TULP4: variants seen among roughly 807,000 people sequenced by gnomAD.
The protein encoded by TULP4 is TUB like protein 4.
A neutral mutation model predicts 129.0 loss-of-function variants in TULP4; 16 were observed. That is an observed-to-expected ratio of 0.12 (90% CI 0.08 to 0.19). The LOEUF (loss-of-function observed/expected upper bound fraction) is 0.19. TULP4 is among the 10% of genes least tolerant of loss of function. TULP4 has a pLI of 1.00. For synonymous variants in TULP4, 998 were observed against 854.0 expected (o/e 1.17, Z -2.94); for missense variants, 1,842 against 2,059.1 (o/e 0.89, Z 2.04).
At chr6:158,258,205 A>G (rs1778282540) in intron 1 of TULP4, among the ~76,000 whole-genome samples, 1 of 152,232 alleles carries the variant, frequency 6.6e-6, no homozygotes, top group African/African-American at 2.4e-5. Context: ...AATCCAGGTC[A>G]GGAGCCAGGG....
intron 1 of TULP4, chr6:158,238,022 G>T: frequency 1.4e-6 from 1 of 707,990 alleles, no homozygotes; most frequent in Non-Finnish European, 2.6e-6. Context: ...TTGAGCTGAT[G>T]GTTTTGATAC....
intron 2 of TULP4, among the ~76,000 whole-genome samples, chr6:158,420,433 A>G (rs545829335): frequency 2.6e-5 from 4 of 152,354 alleles, no homozygotes; most frequent in African/African-American, 9.6e-5. Context: ...ACACAGTGCA[A>G]CTGGGTTAGA....
chr6:158,286,891 A>G (rs1291003179), intron 1 of TULP4, among the ~76,000 whole-genome samples: 1 of 152,160 alleles, frequency 6.6e-6, no homozygotes, highest in African/African-American at 2.4e-5. Flanking sequence ...AGGACTTGTA[A>G]TTTCCCACTT....
At chr6:158,315,077 CATGACT>C (rs1779457978) in intron 1 of TULP4, among the ~76,000 whole-genome samples, 1 of 152,110 alleles carries the variant, frequency 6.6e-6, no homozygotes, top group Non-Finnish European at 1.5e-5. Context: ...ATGAGGAATC[CATGACT>C]ATTTCAGGCA....
chr6:158,385,580 A>G (rs953109605), intron 1 of TULP4, among the ~76,000 whole-genome samples: 1 of 151,746 alleles, frequency 6.6e-6, no homozygotes, highest in Non-Finnish European at 1.5e-5. Flanking sequence ...TTCAACCAGT[A>G]TTATATGCAG....
intron 1 of TULP4, chr6:158,238,093 T>A: frequency 1.4e-6 from 1 of 718,910 alleles, no homozygotes; most frequent in Non-Finnish European, 2.6e-6. Flanking sequence ...TGGCTACACA[T>A]GGTCACTAAT....
intron 1 of TULP4, among the ~76,000 whole-genome samples, chr6:158,321,681 A>G (rs1377913410): frequency 6.6e-6 from 1 of 151,978 alleles, no homozygotes; most frequent in Non-Finnish European, 1.5e-5. Context: ...AAGACCTCCC[A>G]CTGTATCTGA....
chr6:158,457,568 A>G (rs1779320823), intron 5 of TULP4, among the ~76,000 whole-genome samples: 4 of 151,824 alleles, frequency 2.6e-5, no homozygotes, highest in Non-Finnish European at 5.9e-5. Context: ...TATGACTTCT[A>G]CTCTTTTCCT....
At chr6:158,237,933 G>A (rs1342585149) in intron 1 of TULP4, 3 of 727,514 alleles carry the variant, frequency 4.1e-6, no homozygotes, top group South Asian at 1.4e-5. Flanking sequence ...GCTGTTCTAG[G>A]TCACTAATTG....
chr6:158,388,317 TTTTTC>T (rs1316044330), intron 1 of TULP4, among the ~76,000 whole-genome samples: 2 of 97,238 alleles, frequency 2.1e-5, no homozygotes, highest in Non-Finnish European at 4.7e-5. Flanking sequence ...AATCTGCTCG[TTTTTC>T]TTTTTTTTTT....
intron 1 of TULP4, among the ~76,000 whole-genome samples, chr6:158,266,799 T>A (rs1778455813): frequency 6.6e-6 from 1 of 152,228 alleles, no homozygotes; most frequent in Non-Finnish European, 1.5e-5. Context: ...AGGATTTTTT[T>A]ATCTACATGG....
intron 1 of TULP4, among the ~76,000 whole-genome samples, chr6:158,397,402 C>T (rs1013612312): frequency 3.3e-5 from 5 of 152,176 alleles, no homozygotes; most frequent in African/African-American, 1.2e-4. Context: ...CCTGAGTGTC[C>T]ATTCTCCCTC....
At chr6:158,370,093 T>C (rs1042224511) in intron 1 of TULP4, among the ~76,000 whole-genome samples, 11 of 151,976 alleles carry the variant, frequency 7.2e-5, no homozygotes, top group African/African-American at 2.7e-4. Context: ...ATGCCAGTGG[T>C]CCTGGCTACT....
intron 1 of TULP4, among the ~76,000 whole-genome samples, chr6:158,295,964 C>T (rs1237408477): frequency 6.6e-6 from 1 of 152,160 alleles, no homozygotes; most frequent in Non-Finnish European, 1.5e-5. Flanking sequence ...ACAATAGCCA[C>T]CCCCCAAATA....
intron 1 of TULP4, among the ~76,000 whole-genome samples, chr6:158,319,615 GATA>G (rs1718212722): frequency 6.6e-6 from 1 of 152,146 alleles, no homozygotes; most frequent in African/African-American, 2.4e-5. Flanking sequence ...CTGAATGAAA[GATA>G]ATTTATTTCA....
Position 158,313,723 on chromosome 6 carries a change from ATCAGCACGTTCTTCCTCTG to A in TULP4, c.-293_-275del. The A allele has an allele frequency of 4.0e-6, 2 of 494,824 alleles. No individual in the cohort carries two copies. The highest frequency in any genetic ancestry group is 7.0e-6 in the Non-Finnish European group (2 of 284,080). The allele number at this position is 494,824 out of a possible 1,614,324, so 30.7% of individuals were successfully genotyped here. A position where few individuals can be genotyped will look rare whatever the true frequency, so the allele number is the denominator to read the frequency against. On this transcript the variant is annotated 5_prime_UTR_variant, in exon 1 of 14. An upstream open reading frame in the 5' UTR loses its in-frame stop. Coordinates refer to ENST00000367097, the MANE Select transcript of TULP4 (RefSeq NM_020245.5). ...ATTAACGATGCTCTTTCTCCAAAGG[ATCAGCACGTTCTTCCTCTG>A]AGAACTTGAAAATACAAATGGACCC... is the stretch of plus-strand genomic sequence containing the variant.
At chr6:158,300,743 A>C (rs1430862863) in intron 1 of TULP4, among the ~76,000 whole-genome samples, 3 of 152,240 alleles carry the variant, frequency 2.0e-5, no homozygotes, top group African/African-American at 7.2e-5. Flanking sequence ...CTGCCAAAGG[A>C]GCTAACATGA....
At chr6:158,394,869 A>G (rs1319507988) in intron 1 of TULP4, among the ~76,000 whole-genome samples, 2 of 150,974 alleles carry the variant, frequency 1.3e-5, no homozygotes, top group Non-Finnish European at 2.9e-5. Context: ...TTGCCTCACA[A>G]TTCCACAGGC....
Position 158,503,475 on chromosome 6 carries a change from C to A in TULP4, c.3812C>A (p.Pro1271His), listed in dbSNP as rs1258509866. 2 of 1,614,000 alleles carry A rather than the reference C, an allele frequency of 1.2e-6. No individual in the cohort carries two copies. Among genetic ancestry groups the A allele is most frequent in the South Asian group, 1.1e-5 (1 of 91,078 alleles). The change falls in exon 13 of 14, where the codon CCC (proline) becomes CAC (histidine). Residue 1271 changes from proline to histidine, a missense_variant. Coordinates refer to ENST00000367097, the MANE Select transcript of TULP4 (RefSeq NM_020245.5). The surrounding 1 kb of genome is among the most constrained non-coding windows in gnomAD (Gnocchi z 4.3). ...TGGAGTTCCTACAGCGCCTGCCCGC[C>A]CATGCAGAACCCCCAGGGCACTCTC... ...HPWSSYSACPPMQNPQGTLPP... is the reference protein window; with the variant it reads ...HPWSSYSACPHMQNPQGTLPP...
Sources: gnomAD v4.1 joint callset for allele counts (sites outside exome capture counted in the v4.1 genomes callset) on GRCh38, gnomAD v4.1.1 for gene constraint, Gnocchi (gnomAD v3.1) non-coding constraint, MANE v1.5 for transcripts, NCBI Gene and HGNC (gene_info 2026-07-23, HGNC 2026-07-21) for gene names.